CDH18: variants seen among roughly 807,000 people sequenced by gnomAD.
CDH18 encodes the protein cadherin-18.
CDH18 carries 31 observed loss-of-function variants against 67.9 expected under a neutral mutation model. The observed-to-expected ratio is 0.46, with a 90% confidence interval of 0.34 to 0.62. The LOEUF (loss-of-function observed/expected upper bound fraction) is 0.62, where lower values mean the gene tolerates loss of function less well. CDH18 is among the 20% of genes least tolerant of loss of function. The probability of loss-of-function intolerance (pLI) is 0.01; values close to 1 mark genes in which losing one functional copy is unlikely to be tolerated. For missense variants in CDH18, 890 were observed against 975.5 expected (o/e 0.91, Z 1.17); for synonymous variants, 362 against 347.2 (o/e 1.04, Z -0.48).
At chr5:20,204,203 ACT>A (rs1739697256) in intron 2 of CDH18, among the ~76,000 whole-genome samples, 1 of 152,032 alleles carries the variant, frequency 6.6e-6, no homozygotes, top group Admixed American at 6.6e-5. Context: ...TAATAACCAA[ACT>A]CTGCAAAATA....
At chr5:20,329,579 A>T (rs1016447766) in intron 1 of CDH18, among the ~76,000 whole-genome samples, 1 of 151,902 alleles carries the variant, frequency 6.6e-6, no homozygotes, top group African/African-American at 2.4e-5. Context: ...CCTGGCCAAC[A>T]TGGTGAAACC....
chr5:19,961,714 T>C (rs1406906295), intron 2 of CDH18, among the ~76,000 whole-genome samples: 2 of 152,124 alleles, frequency 1.3e-5, no homozygotes, highest in East Asian at 3.9e-4. Flanking sequence ...CTGTTGCCTG[T>C]TGTCTTTCAT....
intron 2 of CDH18, among the ~76,000 whole-genome samples, chr5:19,939,310 G>A: frequency 6.6e-6 from 1 of 151,022 alleles, no homozygotes; most frequent in Non-Finnish European, 1.5e-5. Context: ...AAGGTTAATG[G>A]CATAATTTTA....
chr5:19,746,125 T>C (rs1432094003), intron 4 of CDH18, among the ~76,000 whole-genome samples: 1 of 152,114 alleles, frequency 6.6e-6, no homozygotes, highest in African/African-American at 2.4e-5. Flanking sequence ...GAACCATTTT[T>C]AAACTACTTT....
At position 19,970,923 on chromosome 5, in the gene CDH18, T is replaced by C. The variant is rs553796559; in HGVS notation, c.-257+10137A>G. ...AAACAGATAGTGAAGAATATCTCCATTGGAGACGGAGTGATGCTATTTTAC... is the reference window on the plus strand; with the variant it reads ...AAACAGATAGTGAAGAATATCTCCACTGGAGACGGAGTGATGCTATTTTAC... On this transcript the variant is annotated intron_variant, in intron 2 of 12. Coordinates refer to ENST00000382275, the MANE Select transcript of CDH18 (RefSeq NM_004934.5). Among the ~76,000 whole-genome samples, 50 of 151,948 alleles carry C rather than the reference T, an allele frequency of 3.3e-4. No individual in the cohort carries two copies. In the South Asian group the frequency reaches 4.8e-3, roughly 14 times the overall value.
At chr5:20,341,285 C>T (rs1354848273) in intron 1 of CDH18, among the ~76,000 whole-genome samples, 3 of 151,970 alleles carry the variant, frequency 2.0e-5, no homozygotes, top group Admixed American at 6.6e-5. Context: ...CAGCAACCAG[C>T]GAATATAAAG....
At chr5:20,078,467 C>CA (rs1744144416) in intron 2 of CDH18, among the ~76,000 whole-genome samples, 1 of 150,448 alleles carries the variant, frequency 6.6e-6, no homozygotes, top group African/African-American at 2.4e-5. Context: ...TGTCTCAAAA[C>CA]AAAAAACAAA....
chr5:20,363,881 C>A (rs1742304821), intron 1 of CDH18, among the ~76,000 whole-genome samples: 1 of 152,074 alleles, frequency 6.6e-6, no homozygotes, highest in Non-Finnish European at 1.5e-5. Flanking sequence ...AAATAATAAT[C>A]TTTAATCTTT....
intron 1 of CDH18, among the ~76,000 whole-genome samples, chr5:20,306,876 T>TA (rs1736507761): frequency 4.0e-5 from 2 of 50,436 alleles, no homozygotes; most frequent in Non-Finnish European, 7.8e-5. Context: ...ATACATGTGA[T>TA]AATTTATTAT....
chr5:19,589,066 G>C (rs752247152), intron 7 of CDH18, among the ~76,000 whole-genome samples: 2 of 151,940 alleles, frequency 1.3e-5, no homozygotes, highest in Non-Finnish European at 2.9e-5. Flanking sequence ...AGTAGATTCT[G>C]ATAGTTATCT....
chr5:19,640,367 C>T (rs567608634), intron 5 of CDH18, among the ~76,000 whole-genome samples: 4 of 152,058 alleles, frequency 2.6e-5, no homozygotes, highest in East Asian at 1.9e-4. Flanking sequence ...ATTTGGTATA[C>T]GATTGAAATT....
chr5:20,262,606 A>AT (rs1384990026), intron 1 of CDH18, among the ~76,000 whole-genome samples: 1 of 152,052 alleles, frequency 6.6e-6, no homozygotes, highest in African/African-American at 2.4e-5. Context: ...GGCTGAAACT[A>AT]TTTTTGTAAT....
intron 1 of CDH18, among the ~76,000 whole-genome samples, chr5:20,316,345 ATC>A (rs752333282): frequency 5.3e-4 from 80 of 152,166 alleles, no homozygotes; most frequent in Non-Finnish European, 8.1e-4. Flanking sequence ...GAAATTTAAG[ATC>A]TCTTATTATC....
chr5:20,402,211 A>G (rs1284037315), intron 1 of CDH18, among the ~76,000 whole-genome samples: 1 of 152,178 alleles, frequency 6.6e-6, no homozygotes, highest in Admixed American at 6.6e-5. Flanking sequence ...ATGTTTTTAA[A>G]CAAATTATTC....
At chr5:19,735,407 T>C (rs1768169989) in intron 4 of CDH18, among the ~76,000 whole-genome samples, 1 of 151,512 alleles carries the variant, frequency 6.6e-6, no homozygotes, top group Non-Finnish European at 1.5e-5. Flanking sequence ...TTTTTTTTTT[T>C]TTTTTTTGAG....
chr5:20,266,246 T>C (rs1228316480), intron 1 of CDH18, among the ~76,000 whole-genome samples: 1 of 130,618 alleles, frequency 7.7e-6, no homozygotes, highest in Non-Finnish European at 1.7e-5. Context: ...TTGGTTCTAT[T>C]TCTTTGAAGA....
chr5:20,470,052 T>C (rs1203576316), intron 1 of CDH18, among the ~76,000 whole-genome samples: 1 of 152,168 alleles, frequency 6.6e-6, no homozygotes, highest in Non-Finnish European at 1.5e-5. Context: ...CATCATACTC[T>C]GGCAGCTCAA....
chr5:19,839,496 G>T (rs1782034707), intron 2 of CDH18, among the ~76,000 whole-genome samples: 1 of 152,052 alleles, frequency 6.6e-6, no homozygotes, highest in African/African-American at 2.4e-5. Context: ...ATACAAATTT[G>T]TTATATATAC....
chr5:19,844,834 G>C (rs1782744245), intron 2 of CDH18, among the ~76,000 whole-genome samples: 1 of 152,132 alleles, frequency 6.6e-6, no homozygotes, highest in Non-Finnish European at 1.5e-5. Flanking sequence ...ATTTCTAGCT[G>C]TCTAAATTCC....
Sources: allele counts gnomAD v4.1 joint callset (sites outside exome capture counted in the v4.1 genomes callset), GRCh38; gene constraint gnomAD v4.1.1; transcripts MANE v1.5; gene names NCBI Gene and HGNC (gene_info 2026-07-23, HGNC 2026-07-21).